Variants in ZNF608 observed in about 807,000 individuals in gnomAD.
The protein encoded by ZNF608 is zinc finger protein 608.
Under a neutral mutation model 109.0 loss-of-function variants are expected in ZNF608, and 12 were observed. The ratio of observed to expected loss-of-function variants is 0.11; its 90% CI spans 0.07 to 0.18. The LOEUF is 0.18. Ranked by LOEUF, ZNF608 falls within the 10% of genes least tolerant of loss-of-function variation. The pLI, the probability that ZNF608 is intolerant of heterozygous loss-of-function variation, is 1.00. For missense variants in ZNF608, 1,707 were observed against 1,879.3 expected (o/e 0.91, Z 1.70); for synonymous variants, 732 against 717.4 (o/e 1.02, Z -0.33).
chr5:124,687,060 G>A (rs914498185), intron 3 of ZNF608, among the ~76,000 whole-genome samples: 5 of 152,040 alleles, frequency 3.3e-5, no homozygotes, highest in Non-Finnish European at 7.4e-5. Context: ...AACCTCAAAC[G>A]GACAAGCAAA....
At chr5:124,704,499 G>A (rs539409436) in intron 2 of ZNF608, among the ~76,000 whole-genome samples, 1 of 152,328 alleles carries the variant, frequency 6.6e-6, no homozygotes, top group South Asian at 2.1e-4. Context: ...GAGGTCGCCA[G>A]CAAGAACAGG....
chr5:124,660,986 A>G (rs922524692), intron 3 of ZNF608, among the ~76,000 whole-genome samples: 2 of 152,184 alleles, frequency 1.3e-5, no homozygotes, highest in African/African-American at 4.8e-5. Flanking sequence ...CTTACTATAA[A>G]TGTGGCCTAT....
chr5:124,697,245 A>T (rs1752887227), intron 3 of ZNF608, among the ~76,000 whole-genome samples: 1 of 150,662 alleles, frequency 6.6e-6, no homozygotes, highest in Non-Finnish European at 1.5e-5. Context: ...AAAAAAGCCA[A>T]TAAGAAACAT....
intron 2 of ZNF608, among the ~76,000 whole-genome samples, chr5:124,743,584 T>G (rs1429875072): frequency 3.9e-5 from 6 of 152,226 alleles, no homozygotes; most frequent in Admixed American, 1.3e-4. Context: ...CTGTAGAATG[T>G]AAATTCGAAT....
intron 3 of ZNF608, among the ~76,000 whole-genome samples, chr5:124,652,694 G>A (rs189656916): frequency 1.1e-3 from 172 of 152,274 alleles, no homozygotes; most frequent in African/African-American, 4.1e-3. Context: ...GTATAAAGGC[G>A]GTGTTTAGGT....
intron 2 of ZNF608, among the ~76,000 whole-genome samples, chr5:124,707,398 C>G (rs1753306101): frequency 6.6e-6 from 1 of 152,192 alleles, no homozygotes; most frequent in African/African-American, 2.4e-5. Flanking sequence ...GACAGGGAAG[C>G]TTGCCACAGC....
At position 124,729,542 on chromosome 5, in the gene ZNF608, T is replaced by C. The variant is rs368455613; in HGVS notation, c.906+14542A>G. ...TAAATCCTTAAACATTAAAAATTAC[T>C]CCTCTTGTAGGTTGTATTGGTTCGT... On this transcript the variant is annotated intron_variant, in intron 2 of 9. Coordinates refer to ENST00000513986, the MANE Select transcript of ZNF608 (RefSeq NM_020747.3). Among the ~76,000 whole-genome samples, 3 of 152,226 alleles carry C rather than the reference T, an allele frequency of 2.0e-5. No homozygotes were observed. In the East Asian group the frequency reaches 5.8e-4, roughly 29 times the overall value.
intron 2 of ZNF608, among the ~76,000 whole-genome samples, chr5:124,711,156 C>G (rs1753472921): frequency 6.6e-6 from 1 of 152,200 alleles, no homozygotes; most frequent in Non-Finnish European, 1.5e-5. Context: ...AAAAAAGCTG[C>G]TTGCTCACAG....
chr5:124,721,277 T>C (rs184665686), intron 2 of ZNF608, among the ~76,000 whole-genome samples: 1 of 152,152 alleles, frequency 6.6e-6, no homozygotes, highest in Non-Finnish European at 1.5e-5. Context: ...AGACAAAAGA[T>C]GTGGACCCCA....
chr5:124,745,915 G>A (rs1226864952), intron 1 of ZNF608: 1 of 158,754 alleles, frequency 6.3e-6, no homozygotes, highest in Non-Finnish European at 1.3e-5. Flanking sequence ...CCTGCCTTTT[G>A]AGAAAAAAAT....
chr5:124,680,889 A>T lies in ZNF608; in HGVS notation c.1162+20125T>A, dbSNP rs533757266. 2.6e-5 allele frequency among the ~76,000 whole-genome samples: 4 copies of T among 152,248 alleles called. No individual in the cohort carries two copies. In the East Asian group the frequency reaches 7.7e-4, roughly 29 times the overall value. On this transcript the variant is annotated intron_variant, in intron 3 of 9. Coordinates refer to ENST00000513986, the MANE Select transcript of ZNF608 (RefSeq NM_020747.3). ...AAAGCGCTTAGAAATTAAAAACTAC[A>T]TGAGGGAAATGAAAAAGCAAAGATA...
Position 124,744,360 on chromosome 5 carries a change from G to C in ZNF608, c.630C>G (p.Ser210=). The C allele has an allele frequency of 6.2e-7, 1 of 1,614,198 alleles. No homozygotes were observed. The highest frequency in any genetic ancestry group is 8.5e-7 in the Non-Finnish European group (1 of 1,180,030). ...GAKRDKDAGK[S]RKDKHDLLQG... Reference sequence around the variant, plus strand: ...GAAGCAGGTCGTGCTTGTCCTTCCTGGATTTCCCCGCATCCTTATCCCGCT... The same window carrying C: ...GAAGCAGGTCGTGCTTGTCCTTCCTCGATTTCCCCGCATCCTTATCCCGCT... Residue 210 remains serine (S), a synonymous_variant, in exon 2 of 10, where the codon TCC becomes TCG. Coordinates refer to ENST00000513986, the MANE Select transcript of ZNF608 (RefSeq NM_020747.3). The surrounding 1 kb of genome is among the most constrained non-coding windows in gnomAD (Gnocchi z 4.5).
intron 3 of ZNF608, among the ~76,000 whole-genome samples, chr5:124,670,012 T>C (rs1197475480): frequency 1.3e-5 from 2 of 152,224 alleles, no homozygotes; most frequent in Non-Finnish European, 2.9e-5. Context: ...TGACTATTCC[T>C]TTAGAAGTCA....
chr5:124,744,675 T>C lies in ZNF608; in HGVS notation c.315A>G (p.Lys105=). The part of the protein sequence containing the change: ...GNSHKETSKS[K]VKRSKTSKDA... ...CCTTAGAAGTTTTACTCCTTTTCAC[T>C]TTTGATTTGCTGGTCTCTTTGTGTG... is the stretch of plus-strand genomic sequence containing the variant. The change falls in exon 2 of 10, where the codon AAA becomes AAG. Residue 105 remains lysine (K), a synonymous_variant. Transcript: ENST00000513986. This position sits in a 1 kb window ranked among gnomAD's most constrained non-coding sequence, Gnocchi z 4.5. 6.2e-7 allele frequency: 1 copy of C among 1,614,212 alleles called. No homozygotes were observed. Among genetic ancestry groups the C allele is most frequent in the East Asian group, 2.2e-5 (1 of 44,872 alleles).
intron 3 of ZNF608, among the ~76,000 whole-genome samples, chr5:124,695,377 C>A (rs1250164568): frequency 6.6e-6 from 1 of 152,140 alleles, no homozygotes; most frequent in Non-Finnish European, 1.5e-5. Flanking sequence ...AAGAAAAGTT[C>A]TATTTTCAGT....
intron 2 of ZNF608, among the ~76,000 whole-genome samples, chr5:124,736,071 G>A (rs1250425356): frequency 6.6e-6 from 1 of 151,078 alleles, no homozygotes; most frequent in Non-Finnish European, 1.5e-5. Context: ...AATCACCACT[G>A]CTTACTTCTT....
At chr5:124,699,655 A>T (rs1037732112) in intron 3 of ZNF608, among the ~76,000 whole-genome samples, 6 of 152,252 alleles carry the variant, frequency 3.9e-5, no homozygotes, top group Admixed American at 3.9e-4. Context: ...GCACAAGAGT[A>T]TATTTAATGT....
At chr5:124,639,557 G>A (rs2149779430) in intron 8 of ZNF608, among the ~76,000 whole-genome samples, 1 of 152,328 alleles carries the variant, frequency 6.6e-6, no homozygotes, top group South Asian at 2.1e-4. Context: ...AAGTCACAGT[G>A]AATTACAGAA....
At chr5:124,652,631 G>A (rs1238382466) in intron 3 of ZNF608, among the ~76,000 whole-genome samples, 1 of 152,182 alleles carries the variant, frequency 6.6e-6, no homozygotes, top group Non-Finnish European at 1.5e-5. Flanking sequence ...ACAGTGTACT[G>A]TTTCTTTGTA....
Sources: allele counts gnomAD v4.1 joint callset (sites outside exome capture counted in the v4.1 genomes callset), GRCh38; gene constraint gnomAD v4.1.1; non-coding constraint Gnocchi (gnomAD v3.1); transcripts MANE v1.5; gene names NCBI Gene and HGNC (gene_info 2026-07-23, HGNC 2026-07-21).